SAMD12: variants seen among roughly 807,000 people sequenced by gnomAD.
SAMD12 encodes the protein sterile alpha motif domain-containing protein 12.
Under a neutral mutation model 15.0 loss-of-function variants are expected in SAMD12, and 9 were observed. The ratio of observed to expected loss-of-function variants is 0.60; its 90% CI spans 0.36 to 1.05. The LOEUF (loss-of-function observed/expected upper bound fraction) is 1.05. SAMD12 is among the 50% of genes least tolerant of loss of function. The pLI is 0.01. For synonymous variants in SAMD12, 86 were observed against 90.1 expected, an observed-to-expected ratio of 0.96 and a Z score of 0.25; for missense variants, 230 against 234.2, an observed-to-expected ratio of 0.98 and a Z score of 0.12.
intron 4 of SAMD12, among the ~76,000 whole-genome samples, chr8:118,229,940 C>A (rs758955917): frequency 1.3e-5 from 2 of 152,028 alleles, no homozygotes; most frequent in Non-Finnish European, 2.9e-5. Context: ...AAATACAACA[C>A]CTCCTCCTGG....
At chr8:118,422,446 G>A (rs1459716015) in intron 3 of SAMD12, among the ~76,000 whole-genome samples, 1 of 151,986 alleles carries the variant, frequency 6.6e-6, no homozygotes, top group Non-Finnish European at 1.5e-5. Context: ...GTAGGGAGGA[G>A]GGGAATAATT....
chr8:118,480,589 A>T (rs1045940429), intron 2 of SAMD12, among the ~76,000 whole-genome samples: 4 of 152,178 alleles, frequency 2.6e-5, no homozygotes, highest in African/African-American at 9.7e-5. Flanking sequence ...AGAGGTATAA[A>T]CTGTTGCAAT....
At chr8:118,175,471 AC>A in the SAMD12 span, among the ~76,000 whole-genome samples, 1 of 152,242 alleles carries the variant, frequency 6.6e-6, no homozygotes, top group East Asian at 1.9e-4. Context: ...AGCGATTGCA[AC>A]AAAAATAAAA....
At chr8:118,385,194 C>T (rs1586642367) in intron 3 of SAMD12, among the ~76,000 whole-genome samples, 1 of 152,240 alleles carries the variant, frequency 6.6e-6, no homozygotes, top group Non-Finnish European at 1.5e-5. Context: ...AGTCAAACAT[C>T]ATTCTGGGTG....
At chr8:118,284,079 C>G (rs78772799) in intron 4 of SAMD12, among the ~76,000 whole-genome samples, 2 of 152,126 alleles carry the variant, frequency 1.3e-5, no homozygotes, top group East Asian at 3.9e-4. Flanking sequence ...AAGGTAACTT[C>G]CGAAGACTGC....
chr8:118,523,897 C>T (rs1217196278), intron 2 of SAMD12, among the ~76,000 whole-genome samples: 1 of 152,134 alleles, frequency 6.6e-6, no homozygotes, highest in Non-Finnish European at 1.5e-5. Flanking sequence ...TCCCTGAACC[C>T]ACTTACTCTG....
chr8:118,347,487 G>A (rs954150923), intron 4 of SAMD12, among the ~76,000 whole-genome samples: 2 of 152,142 alleles, frequency 1.3e-5, no homozygotes, highest in Non-Finnish European at 2.9e-5. Flanking sequence ...CTCCACAATG[G>A]TCTCAAATAT....
intron 4 of SAMD12, among the ~76,000 whole-genome samples, chr8:118,219,944 G>A (rs981355232): frequency 3.9e-5 from 6 of 152,202 alleles, no homozygotes; most frequent in Admixed American, 2.0e-4. Context: ...AGTTTTTGAG[G>A]TAGTTCATTA....
chr8:118,487,075 C>G (rs764651555), intron 2 of SAMD12, among the ~76,000 whole-genome samples: 1 of 152,094 alleles, frequency 6.6e-6, no homozygotes, highest in Non-Finnish European at 1.5e-5. Context: ...CCAAGTAGGG[C>G]AAAGACGGGT....
chr8:118,163,678 A>C, the SAMD12 span, among the ~76,000 whole-genome samples: 2 of 151,850 alleles, frequency 1.3e-5, no homozygotes, highest in East Asian at 2.0e-4. Flanking sequence ...GATCGAGACC[A>C]TCCTGGCTAA....
exon 5 of SAMD12, chr8:118,196,246 G>A (rs1394503381): frequency 6.6e-6 from 1 of 152,188 alleles, no homozygotes; most frequent in Admixed American, 6.5e-5. Flanking sequence ...AAGCTTGCTT[G>A]CGTTGGAAGT....
chr8:118,550,214 GAC>G (rs1306512906), intron 2 of SAMD12, among the ~76,000 whole-genome samples: 1 of 152,124 alleles, frequency 6.6e-6, no homozygotes, highest in African/African-American at 2.4e-5. Context: ...GCAACTCCAA[GAC>G]ACATAATTGT....
chr8:118,251,856 G>A (rs1174048585), intron 4 of SAMD12, among the ~76,000 whole-genome samples: 4 of 151,786 alleles, frequency 2.6e-5, no homozygotes, highest in African/African-American at 7.3e-5. Context: ...AGCTTCTCCC[G>A]TGTGCTCAGC....
chr8:118,177,424 T>G, the SAMD12 span, among the ~76,000 whole-genome samples: 1 of 151,862 alleles, frequency 6.6e-6, no homozygotes, highest in Non-Finnish European at 1.5e-5. Flanking sequence ...TTTAATCTTT[T>G]GTAGAGACAG....
intron 4 of SAMD12, among the ~76,000 whole-genome samples, chr8:118,209,804 T>C (rs113985031): frequency 4.6e-4 from 70 of 152,342 alleles, no homozygotes; most frequent in African/African-American, 1.6e-3. Flanking sequence ...TTATGTAATC[T>C]TGGACCAGTC....
chr8:118,282,090 A>G (rs1046412512), intron 4 of SAMD12: 14 of 346,868 alleles, frequency 4.0e-5, no homozygotes, highest in African/African-American at 2.8e-4. Flanking sequence ...TAATAACTTA[A>G]TTTGCCTCAG....
intron 4 of SAMD12, among the ~76,000 whole-genome samples, chr8:118,202,091 A>G (rs1819731077): frequency 2.0e-5 from 3 of 152,216 alleles, no homozygotes; most frequent in African/African-American, 7.2e-5. Flanking sequence ...TTAAAATAGC[A>G]GTCATAATTC....
chr8:118,452,250 G>A (rs767447323), intron 2 of SAMD12, among the ~76,000 whole-genome samples: 12 of 152,116 alleles, frequency 7.9e-5, no homozygotes, highest in Non-Finnish European at 1.8e-4. Context: ...CCTCATTATG[G>A]CAGCCAGAAG....
intron 2 of SAMD12, 78 bp downstream of exon 2, chr8:118,580,637 G>T (rs1827268930): frequency 1.0e-6 from 1 of 990,926 alleles, no homozygotes. Flanking sequence ...AGCACTATCA[G>T]CTCTTCTCTG....
Sources: gnomAD v4.1 joint callset for allele counts (sites outside exome capture counted in the v4.1 genomes callset) on GRCh38, gnomAD v4.1.1 for gene constraint, MANE v1.5 for transcripts, NCBI Gene and HGNC (gene_info 2026-07-23, HGNC 2026-07-21) for gene names.